The following DSCAML1 variants were observed in gnomAD, a reference collection of about 807,000 sequenced individuals.
DSCAML1 encodes cell adhesion molecule DSCAML1.
A neutral mutation model predicts 200.5 loss-of-function variants in DSCAML1; 38 were observed. That is an observed-to-expected ratio of 0.19 (90% CI 0.15 to 0.25). The LOEUF (loss-of-function observed/expected upper bound fraction) is 0.25, where lower values mean the gene tolerates loss of function less well. Ranked by LOEUF, DSCAML1 falls within the 10% of genes least tolerant of loss-of-function variation. The pLI is 1.00. For missense variants in DSCAML1, 2,223 were observed against 2,858.8 expected, an observed-to-expected ratio of 0.78 and a Z score of 5.07; for synonymous variants, 1,215 against 1,165.0, an observed-to-expected ratio of 1.04 and a Z score of -0.87.
At chr11:117,815,178 T>C (rs2055794478) in intron 1 of DSCAML1, among the ~76,000 whole-genome samples, 1 of 152,190 alleles carries the variant, frequency 6.6e-6, no homozygotes, top group Non-Finnish European at 1.5e-5. Flanking sequence ...TATCCAGCTT[T>C]TCTCTAAGAA....
At chr11:117,468,858 A>G (rs954749547) in intron 16 of DSCAML1, among the ~76,000 whole-genome samples, 1 of 152,180 alleles carries the variant, frequency 6.6e-6, no homozygotes, top group Non-Finnish European at 1.5e-5. Flanking sequence ...CTACCTTTCT[A>G]AAGAGCCCAG....
chr11:117,594,051 G>T (rs1414540520), intron 3 of DSCAML1, among the ~76,000 whole-genome samples: 3 of 152,200 alleles, frequency 2.0e-5, no homozygotes, highest in Admixed American at 6.5e-5. Flanking sequence ...CTAAAAGGGA[G>T]TGGGGTCTCA....
chr11:117,516,872 G>T lies in DSCAML1; in HGVS notation c.1511-133C>A. 1 of 1,134,636 alleles carries T rather than the reference G, an allele frequency of 8.8e-7. No homozygotes were observed. The highest frequency in any genetic ancestry group is 1.2e-6 in the Non-Finnish European group (1 of 819,370). The allele number at this position is 1,134,636 out of a possible 1,614,324, so 70.3% of individuals were successfully genotyped here. On this transcript the variant is annotated intron_variant, in intron 7 of 32. Coordinates refer to ENST00000651296, the MANE Select transcript of DSCAML1 (RefSeq NM_020693.4). The surrounding 1 kb of genome is among the most constrained non-coding windows in gnomAD (Gnocchi z 5.7). ...TGAGACTTTCGGGGGCGGACATTTG[G>T]TGGGGGCACAGGGATGCCTTTTTAC...
At chr11:117,671,356 G>A (rs1000872123) in intron 3 of DSCAML1, among the ~76,000 whole-genome samples, 2 of 152,148 alleles carry the variant, frequency 1.3e-5, no homozygotes, top group African/African-American at 4.8e-5. Flanking sequence ...TCTCTTCCAT[G>A]GATTTCAGTG....
intron 3 of DSCAML1, among the ~76,000 whole-genome samples, chr11:117,702,457 C>A (rs987632807): frequency 6.6e-6 from 1 of 152,042 alleles, no homozygotes; most frequent in African/African-American, 2.4e-5. Context: ...CTCCAGGAAG[C>A]CTTTCCCTGA....
chr11:117,614,015 C>T (rs550209650), intron 3 of DSCAML1, among the ~76,000 whole-genome samples: 1 of 152,156 alleles, frequency 6.6e-6, no homozygotes, highest in South Asian at 2.1e-4. Flanking sequence ...GGAGGGGCTA[C>T]TTTTAAATAT....
intron 8 of DSCAML1, among the ~76,000 whole-genome samples, chr11:117,506,516 C>T (rs1394216419): frequency 6.6e-6 from 1 of 151,290 alleles, no homozygotes; most frequent in African/African-American, 2.4e-5. Flanking sequence ...AAGAAAGCCC[C>T]AGACATGCCC....
At chr11:117,714,849 G>A (rs1394857400) in intron 3 of DSCAML1, among the ~76,000 whole-genome samples, 3 of 136,880 alleles carry the variant, frequency 2.2e-5, no homozygotes, top group Non-Finnish European at 3.2e-5. Flanking sequence ...AAAAAGGAAG[G>A]TGCCACACTT....
At position 117,780,290 on chromosome 11, in the gene DSCAML1, A is replaced by AAGAAAGAAAGAAAG. The variant is rs1407315858; in HGVS notation, c.364+189_364+202dup. 1.0e-5 allele frequency among the ~76,000 whole-genome samples: 1 copy of AAGAAAGAAAGAAAG among 100,128 alleles called. No homozygotes were observed. The allele number at this position is 100,128 out of a possible 152,430, so 65.7% of individuals were successfully genotyped here. ...AAAGAAAGAAAGAAAGAAAGAAAGA[A>AAGAAAGAAAGAAAG]AGAAAGAAAGAAAGAGAGAAAGGAG... On this transcript the variant is annotated intron_variant, in intron 2 of 32. Transcript: ENST00000651296. This position sits in a 1 kb window ranked among gnomAD's most constrained non-coding sequence, Gnocchi z 4.8.
At chr11:117,766,101 A>G (rs1194084222) in intron 3 of DSCAML1, among the ~76,000 whole-genome samples, 1 of 152,168 alleles carries the variant, frequency 6.6e-6, no homozygotes, top group African/African-American at 2.4e-5. Context: ...GGTGCCTACT[A>G]TGTGCTCATA....
At chr11:117,742,173 C>T (rs184136103) in intron 3 of DSCAML1, among the ~76,000 whole-genome samples, 9 of 152,290 alleles carry the variant, frequency 5.9e-5, no homozygotes, top group South Asian at 4.1e-4. Context: ...GGAGGAATTG[C>T]GAAACCCAAT....
intron 4 of DSCAML1, 66 bp from the exon 5 acceptor site, chr11:117,525,149 G>A: frequency 6.8e-7 from 1 of 1,462,300 alleles, no homozygotes; most frequent in South Asian, 1.4e-5. Flanking sequence ...GCTGGGGGAG[G>A]GAAGGCAAGC....
At chr11:117,708,956 G>A (rs566851053) in intron 3 of DSCAML1, among the ~76,000 whole-genome samples, 90 of 152,318 alleles carry the variant, frequency 5.9e-4, no homozygotes, top group African/African-American at 2.1e-3. Flanking sequence ...AGCTGAGAAC[G>A]TGCCTCCAAG....
chr11:117,474,750 T>A (rs1241753200), intron 14 of DSCAML1, among the ~76,000 whole-genome samples: 1 of 151,582 alleles, frequency 6.6e-6, no homozygotes, highest in Non-Finnish European at 1.5e-5. Context: ...GTGTCATTCC[T>A]TTTTTCCTTT....
At chr11:117,673,402 A>G (rs1486591821) in intron 3 of DSCAML1, among the ~76,000 whole-genome samples, 1 of 152,104 alleles carries the variant, frequency 6.6e-6, no homozygotes, top group Non-Finnish European at 1.5e-5. Context: ...CAAGCAGGGA[A>G]TCCTGTCTCC....
chr11:117,626,348 T>G (rs1180883045), intron 3 of DSCAML1, among the ~76,000 whole-genome samples: 1 of 152,210 alleles, frequency 6.6e-6, no homozygotes, highest in Non-Finnish European at 1.5e-5. Context: ...AAGGACCCTG[T>G]GCCATGTTGC....
rs144076439 is a variant in DSCAML1 at position 117,645,462 on chromosome 11, T to C, written c.512-112940A>G. Among the ~76,000 whole-genome samples the C allele has an allele frequency of 2.3e-3, 354 of 152,238 alleles. 9 individuals are homozygous for C. In the East Asian group the frequency reaches 0.061, roughly 26 times the overall value. ...CATTTTTTCTTTATTATGAAATATTTCAAATCTGCGGACCAGCATAAAGAA... is the reference window on the plus strand; with the variant it reads ...CATTTTTTCTTTATTATGAAATATTCCAAATCTGCGGACCAGCATAAAGAA... On this transcript the variant is annotated intron_variant, in intron 3 of 32. Coordinates refer to ENST00000651296, the MANE Select transcript of DSCAML1 (RefSeq NM_020693.4).
intron 3 of DSCAML1, among the ~76,000 whole-genome samples, chr11:117,753,594 G>A (rs574983908): frequency 6.6e-6 from 1 of 152,212 alleles, no homozygotes; most frequent in Non-Finnish European, 1.5e-5. Flanking sequence ...CAAACACTGA[G>A]CATAACATGA....
intron 14 of DSCAML1, among the ~76,000 whole-genome samples, chr11:117,478,689 A>G (rs961095989): frequency 6.6e-6 from 1 of 152,160 alleles, no homozygotes; most frequent in Admixed American, 6.5e-5. Context: ...ATTGCCCATG[A>G]ATTGCATCTA....
Sources: gnomAD v4.1 joint callset for allele counts (sites outside exome capture counted in the v4.1 genomes callset) on GRCh38, gnomAD v4.1.1 for gene constraint, Gnocchi (gnomAD v3.1) non-coding constraint, MANE v1.5 for transcripts, NCBI Gene and HGNC (gene_info 2026-07-23, HGNC 2026-07-21) for gene names.